Variants in UNC13C observed in about 807,000 individuals in gnomAD.
The protein encoded by UNC13C is unc-13 homolog C.
Under a neutral mutation model 245.4 loss-of-function variants are expected in UNC13C, and 174 were observed. The observed-to-expected ratio is 0.71, with a 90% confidence interval of 0.63 to 0.80. UNC13C has a LOEUF of 0.80. UNC13C is among the 30% of genes least tolerant of loss of function. UNC13C has a pLI of 0.00. For missense variants in UNC13C, 2,829 were observed against 2,602.9 expected (o/e 1.09, Z -1.89); for synonymous variants, 992 against 895.1 (o/e 1.11, Z -1.93).
At chr15:54,173,278 C>T (rs1256679458) in intron 4 of UNC13C, among the ~76,000 whole-genome samples, 2 of 152,024 alleles carry the variant, frequency 1.3e-5, no homozygotes, top group African/African-American at 4.8e-5. Flanking sequence ...TTATGATTGA[C>T]AATGCATTAA....
intron 2 of UNC13C, among the ~76,000 whole-genome samples, chr15:54,059,636 C>G (rs4386087): frequency 0.37 from 55,870 of 151,910 alleles, 12,554 homozygotes; most frequent in Middle Eastern, 0.52. Context: ...CATATGGAAC[C>G]AAAAAAGAGC....
chr15:54,528,067 TTA>T lies in UNC13C; in HGVS notation c.5546+2432_5546+2433del, dbSNP rs1895556062. Among the ~76,000 whole-genome samples the T allele has an allele frequency of 3.9e-5, 6 of 152,308 alleles. No individual in the cohort carries two copies. In the South Asian group the frequency reaches 1.2e-3, roughly 32 times the overall value. On this transcript the variant is annotated intron_variant, in intron 25 of 32. Transcript: ENST00000260323. ...TTAATTGTAAAAAATCCACTTGATT[TTA>T]TGTTATTAAAACTCATAATTAAATA...
the UNC13C span, among the ~76,000 whole-genome samples, chr15:53,863,197 C>T: frequency 1.2e-4 from 18 of 152,270 alleles, no homozygotes; most frequent in African/African-American, 4.3e-4. Context: ...CCAAGCAAGA[C>T]CAAAGCCTAG....
intron 4 of UNC13C, among the ~76,000 whole-genome samples, chr15:54,180,997 T>C (rs1348914074): frequency 6.6e-6 from 1 of 152,058 alleles, no homozygotes; most frequent in Non-Finnish European, 1.5e-5. Context: ...TTTAGTTTAA[T>C]TGGGTCCTAC....
intron 2 of UNC13C, among the ~76,000 whole-genome samples, chr15:54,091,889 A>C (rs1422431929): frequency 6.6e-6 from 1 of 152,034 alleles, no homozygotes; most frequent in East Asian, 1.9e-4. Context: ...TAGTGTTCTC[A>C]TTGTTGGCAA....
intron 19 of UNC13C, among the ~76,000 whole-genome samples, chr15:54,488,989 T>C (rs1163107836): frequency 6.6e-6 from 1 of 152,158 alleles, no homozygotes; most frequent in African/African-American, 2.4e-5. Context: ...AGAAGATAAT[T>C]TGAGTAGAAA....
the UNC13C span, among the ~76,000 whole-genome samples, chr15:53,919,206 T>C: frequency 6.6e-6 from 1 of 152,220 alleles, no homozygotes; most frequent in Non-Finnish European, 1.5e-5. Context: ...GGTTACGTAA[T>C]AATTATGGTG....
the UNC13C span, among the ~76,000 whole-genome samples, chr15:53,953,791 T>G: frequency 6.6e-6 from 1 of 152,266 alleles, no homozygotes; most frequent in African/African-American, 2.4e-5. Flanking sequence ...AAATTGCCTC[T>G]AAGCTATTTA....
rs769026860 is a variant in UNC13C, at chr15:54,014,204, T to C, written c.1301T>C (p.Leu434Ser). Residue 434 changes from leucine (L) to serine (S), a missense_variant, in exon 2 of 33, where the codon TTG (leucine) becomes TCG (serine). Leu to Ser is a moderately radical substitution (Grantham distance 145). Transcript: ENST00000260323. ...SQTYESMAIK[L>S]STPEPKIKKN... ...ACATATGAGAGCATGGCTATAAAGT[T>C]GTCTACTCCAGAGCCAAAAATCAAG... 2.5e-6 allele frequency: 4 copies of C among 1,613,868 alleles called. No homozygotes were observed. Among genetic ancestry groups the C allele is most frequent in the Non-Finnish European group, 3.4e-6 (4 of 1,179,824 alleles).
intron 29 of UNC13C, among the ~76,000 whole-genome samples, chr15:54,567,013 G>A (rs570188734): frequency 1.3e-5 from 2 of 152,082 alleles, no homozygotes; most frequent in East Asian, 3.9e-4. Context: ...TTTATAAACA[G>A]GTAGAAAAAA....
At chr15:54,497,736 A>C (rs1305206514) in intron 20 of UNC13C, among the ~76,000 whole-genome samples, 2 of 152,116 alleles carry the variant, frequency 1.3e-5, no homozygotes, top group Non-Finnish European at 1.5e-5. Context: ...TCTGATGCCT[A>C]ATAGCATAGA....
At chr15:53,904,517 G>A in the UNC13C span, among the ~76,000 whole-genome samples, 25 of 151,984 alleles carry the variant, frequency 1.6e-4, no homozygotes, top group African/African-American at 5.3e-4. Flanking sequence ...AGTGTTTGCC[G>A]AAGTAACTCT....
chr15:54,536,473 C>G (rs1365317590), intron 26 of UNC13C, among the ~76,000 whole-genome samples: 1 of 151,702 alleles, frequency 6.6e-6, no homozygotes, highest in Non-Finnish European at 1.5e-5. Flanking sequence ...TACTCCACAA[C>G]TCATTCAATG....
rs1365184936 is a variant in UNC13C, at chr15:54,621,090, G to A, written c.6107-1237G>A. Among the ~76,000 whole-genome samples, 3 of 152,146 alleles carry A rather than the reference G, an allele frequency of 2.0e-5. No individual in the cohort carries two copies. In the East Asian group the frequency reaches 5.8e-4, roughly 29 times the overall value. ...TGTGCCAAGGAGAGAGGCCCTTGTGGTGAATTGCCTCATCTCAGCAGGTTC... is the reference window on the plus strand; with the variant it reads ...TGTGCCAAGGAGAGAGGCCCTTGTGATGAATTGCCTCATCTCAGCAGGTTC... On this transcript the variant is annotated intron_variant, in intron 30 of 32. Transcript: ENST00000260323.
At chr15:53,878,231 T>C in the UNC13C span, among the ~76,000 whole-genome samples, 2 of 152,282 alleles carry the variant, frequency 1.3e-5, no homozygotes, top group South Asian at 4.1e-4. Flanking sequence ...ACTCCATCTG[T>C]GATCACTATT....
chr15:54,485,627 A>C (rs1893364611), intron 19 of UNC13C, among the ~76,000 whole-genome samples: 1 of 152,236 alleles, frequency 6.6e-6, no homozygotes, highest in Non-Finnish European at 1.5e-5. Flanking sequence ...GTTTTATTCC[A>C]TAACTCTTAG....
chr15:54,071,048 GAA>G (rs1169545184), intron 2 of UNC13C, among the ~76,000 whole-genome samples: 1 of 152,104 alleles, frequency 6.6e-6, no homozygotes, highest in East Asian at 1.9e-4. Context: ...GAACTTTTAT[GAA>G]AGAGTCTAGC....
intron 30 of UNC13C, among the ~76,000 whole-genome samples, chr15:54,583,959 C>T (rs1596614704): frequency 6.6e-6 from 1 of 152,228 alleles, no homozygotes; most frequent in African/African-American, 2.4e-5. Context: ...CAGGCCCTAA[C>T]TGTGCTCTCT....
chr15:54,033,933 G>A (rs990760279), intron 2 of UNC13C, among the ~76,000 whole-genome samples: 2 of 152,172 alleles, frequency 1.3e-5, no homozygotes, highest in African/African-American at 4.8e-5. Flanking sequence ...TATATACAGT[G>A]GGGTTTCATC....
Sources: allele counts gnomAD v4.1 joint callset (sites outside exome capture counted in the v4.1 genomes callset), GRCh38; gene constraint gnomAD v4.1.1; transcripts MANE v1.5; gene names NCBI Gene and HGNC (gene_info 2026-07-23, HGNC 2026-07-21).